MINAR2: variants seen among roughly 807,000 people sequenced by gnomAD.
MINAR2 encodes membrane integral NOTCH2 associated receptor 2.
A neutral mutation model predicts 16.1 loss-of-function variants in MINAR2; 21 were observed. The ratio of observed to expected loss-of-function variants is 1.31; its 90% CI spans 0.93 to 1.88. MINAR2 has a LOEUF of 1.88. Ranked by LOEUF, MINAR2 falls within the 40% of genes most tolerant of loss-of-function variation. MINAR2 has a pLI of 0.00. For synonymous variants in MINAR2, 86 were observed against 83.0 expected (o/e 1.04, Z -0.20); for missense variants, 259 against 229.8 (o/e 1.13, Z -0.82).
intron 1 of MINAR2, among the ~76,000 whole-genome samples, chr5:129,755,823 CTTTACA>C (rs1185485150): frequency 6.6e-6 from 1 of 151,892 alleles, no homozygotes; most frequent in Non-Finnish European, 1.5e-5. Flanking sequence ...TTGATTCTGT[CTTTACA>C]TTTATGATTT....
chr5:129,760,560 A>G lies in MINAR2; in HGVS notation c.348A>G (p.Glu116=). 6.5e-7 allele frequency: 1 copy of G among 1,535,562 alleles called. No individual in the cohort carries two copies. Among genetic ancestry groups the G allele is most frequent in the Non-Finnish European group, 8.7e-7 (1 of 1,146,466 alleles). ...AGAACCCCTCATGGACCATTGAGGA[A>G]TATGACAAACATTCCCTGCACACAA... ...RKKNPSWTIE[E]YDKHSLHTNL... Residue 116 remains glutamate, a synonymous_variant, in exon 2 of 3, where the codon GAA becomes GAG. Transcript: ENST00000564719.
chr5:129,748,788 G>T (rs995949676), intron 1 of MINAR2, among the ~76,000 whole-genome samples: 24 of 152,132 alleles, frequency 1.6e-4, no homozygotes, highest in Non-Finnish European at 5.9e-5. Flanking sequence ...TCTTGCTTCT[G>T]CCTCCCTTAG....
Position 129,766,368 on chromosome 5 carries a change from T to C in MINAR2, c.*1305T>C, listed in dbSNP as rs1166349836. The C allele has an allele frequency of 6.6e-6, 1 of 152,286 alleles. No homozygotes were observed. Among genetic ancestry groups the C allele is most frequent in the Non-Finnish European group, 1.5e-5 (1 of 68,096 alleles). The allele number at this position is 152,286 out of a possible 1,614,324, so 9.4% of individuals were successfully genotyped here. A position where few individuals can be genotyped will look rare whatever the true frequency, so the allele number is the denominator to read the frequency against. On this transcript the variant is annotated 3_prime_UTR_variant, in exon 3 of 3. Coordinates refer to ENST00000564719, the MANE Select transcript of MINAR2 (RefSeq NM_001257308.2). ...AAAAGACAGTTTGGGCTGGGCGCGG[T>C]GGCTCGCGCCTGTAATCCCAGCACT...
At chr5:129,757,923 T>C (rs1758076816) in intron 1 of MINAR2, among the ~76,000 whole-genome samples, 2 of 151,968 alleles carry the variant, frequency 1.3e-5, no homozygotes. Context: ...ACGTCTGTTA[T>C]CAACTTTCTT....
intron 2 of MINAR2, among the ~76,000 whole-genome samples, 168 bp downstream of exon 2, chr5:129,760,773 G>T (rs1277677559): frequency 6.6e-6 from 1 of 152,092 alleles, no homozygotes; most frequent in African/African-American, 2.4e-5. Context: ...GTCAGTATTT[G>T]TGTTTATTTG....
At chr5:129,759,885 C>T (rs1291552827) in intron 1 of MINAR2, among the ~76,000 whole-genome samples, 1 of 152,082 alleles carries the variant, frequency 6.6e-6, no homozygotes, top group Non-Finnish European at 1.5e-5. Flanking sequence ...TTAGCTTAGA[C>T]CTCAAAGCTG....
intron 1 of MINAR2, among the ~76,000 whole-genome samples, chr5:129,751,910 A>G (rs11960560): frequency 0.93 from 140,744 of 152,094 alleles, 65,163 homozygotes; most frequent in East Asian, 1. Context: ...AAAAGTGGGC[A>G]AAGGATATGA....
Position 129,764,991 on chromosome 5 carries a change from T to G in MINAR2, c.501T>G (p.Arg167=). Residue 167 remains arginine (R), a synonymous_variant, in exon 3 of 3, where the codon CGT becomes CGG. Transcript: ENST00000564719. ...AAGAGAAGCATTCAAAATTCTGTCG[T>G]ATGGGTCTGATTTTACTTGTCGTTA... ...EKQEKHSKFC[R]MGLILLVVIS... is the part of the protein sequence containing the mutation. The G allele has an allele frequency of 1.4e-6, 2 of 1,395,170 alleles. No individual in the cohort carries two copies. The highest frequency in any genetic ancestry group is 1.9e-6 in the Non-Finnish European group (2 of 1,072,724). 86.4% of individuals were successfully genotyped at this position (1,395,170 alleles called of 1,614,324 possible).
chr5:129,762,584 T>A, intron 2 of MINAR2: 1 of 346,578 alleles, frequency 2.9e-6, no homozygotes, highest in Non-Finnish European at 5.8e-6. Flanking sequence ...TAGTCCATCA[T>A]CACCATTGCC....
intron 2 of MINAR2, among the ~76,000 whole-genome samples, chr5:129,764,180 T>C (rs895466202): frequency 6.6e-6 from 1 of 152,140 alleles, no homozygotes; most frequent in African/African-American, 2.4e-5. Flanking sequence ...TCTATGGGCC[T>C]GAAGGAAAGA....
chr5:129,752,083 C>T lies in MINAR2; in HGVS notation c.165+3728C>T, dbSNP rs927005840. On this transcript the variant is annotated intron_variant, in intron 1 of 2. Coordinates refer to ENST00000564719, the MANE Select transcript of MINAR2 (RefSeq NM_001257308.2). ...AAAGTCAGGAAGCAACAGATGCTGA[C>T]GAGGATGTCTAGAAATAGGAACGCT... Among the ~76,000 whole-genome samples the T allele has an allele frequency of 2.6e-5, 4 of 152,200 alleles. No homozygotes were observed. In the East Asian group the frequency reaches 5.8e-4, roughly 22 times the overall value.
At chr5:129,764,527 T>C (rs1758182602) in intron 2 of MINAR2, among the ~76,000 whole-genome samples, 1 of 152,198 alleles carries the variant, frequency 6.6e-6, no homozygotes. Context: ...GCACTATTTA[T>C]AGGATGTAAG....
At chr5:129,752,650 T>G (rs1221844172) in intron 1 of MINAR2, among the ~76,000 whole-genome samples, 1 of 152,086 alleles carries the variant, frequency 6.6e-6, no homozygotes. Context: ...GATGATGGGT[T>G]GATGGGTGCA....
At chr5:129,761,992 C>T (rs1758141958) in intron 2 of MINAR2, among the ~76,000 whole-genome samples, 1 of 151,654 alleles carries the variant, frequency 6.6e-6, no homozygotes. Context: ...GGGAGGGGAA[C>T]AACACACGCT....
chr5:129,750,938 C>A (rs1323152889), intron 1 of MINAR2, among the ~76,000 whole-genome samples: 10 of 152,158 alleles, frequency 6.6e-5, no homozygotes, highest in Non-Finnish European at 1.3e-4. Flanking sequence ...CTGATCCTTT[C>A]ATCCCACACC....
chr5:129,758,779 C>T (rs1758087750), intron 1 of MINAR2, among the ~76,000 whole-genome samples: 1 of 151,940 alleles, frequency 6.6e-6, no homozygotes. Context: ...ATGCTAAGCT[C>T]ATATCATTTA....
intron 1 of MINAR2, among the ~76,000 whole-genome samples, 186 bp downstream of exon 1, chr5:129,748,541 A>C (rs1434245821): frequency 1.3e-5 from 2 of 152,178 alleles, no homozygotes; most frequent in Non-Finnish European, 2.9e-5. Context: ...CATAAAATAC[A>C]TGGATTCTCT....
At chr5:129,759,074 C>A (rs1250077167) in intron 1 of MINAR2, among the ~76,000 whole-genome samples, 1 of 151,722 alleles carries the variant, frequency 6.6e-6, no homozygotes, top group East Asian at 1.9e-4. Context: ...TTCCTGCTAG[C>A]CATTTCAGAA....
intron 1 of MINAR2, among the ~76,000 whole-genome samples, chr5:129,755,211 C>A (rs1758040316): frequency 6.6e-6 from 1 of 152,010 alleles, no homozygotes; most frequent in East Asian, 1.9e-4. Context: ...TATCTTGTTA[C>A]ATATAATTTG....
Sources: gnomAD v4.1 joint callset for allele counts (sites outside exome capture counted in the v4.1 genomes callset) on GRCh38, gnomAD v4.1.1 for gene constraint, MANE v1.5 for transcripts, NCBI Gene and HGNC (gene_info 2026-07-23, HGNC 2026-07-21) for gene names.